CFAP74: variants seen among roughly 807,000 people sequenced by gnomAD.
CFAP74 encodes the protein cilia and flagella associated protein 74.
CFAP74 carries 124 observed loss-of-function variants against 188.9 expected under a neutral mutation model. The observed-to-expected ratio is 0.66, with a 90% CI of 0.57 to 0.76. The LOEUF is 0.76. Ranked by LOEUF, CFAP74 falls within the 30% of genes least tolerant of loss-of-function variation. CFAP74 has a pLI of 0.00. For synonymous variants in CFAP74, 956 were observed against 916.7 expected (o/e 1.04, Z -0.77); for missense variants, 2,198 against 2,165.2 (o/e 1.02, Z -0.30).
Position 1,975,735 on chromosome 1 carries a change from TC to T in CFAP74, c.501-1538del, listed in dbSNP as rs1656394919. On this transcript the variant is annotated intron_variant, in intron 6 of 38. Coordinates refer to ENST00000682832, the MANE Select transcript of CFAP74 (RefSeq NM_001304360.2). The surrounding 1 kb of genome is among the most constrained non-coding windows in gnomAD (Gnocchi z 4.5). The stretch of plus-strand genomic sequence containing the variant: ...TATTTCTATTCCTCCCTCGCGTGAC[TC>T]ATGAAATTCTTTAATCTGAGGATTC... Among the ~76,000 whole-genome samples, 1 of 152,126 alleles carries T rather than the reference TC, an allele frequency of 6.6e-6. No individual in the cohort carries two copies. The highest frequency in any genetic ancestry group is 6.5e-5 in the Admixed American group (1 of 15,272).
intron 14 of CFAP74, among the ~76,000 whole-genome samples, 160 bp downstream of exon 14, chr1:1,963,589 A>C (rs1381822887): frequency 6.6e-6 from 1 of 152,038 alleles, no homozygotes; most frequent in Non-Finnish European, 1.5e-5. Flanking sequence ...ACTTTGACAC[A>C]AGAAGACAGA....
At chr1:1,932,375 T>C (rs1199141228) in intron 25 of CFAP74, among the ~76,000 whole-genome samples, 1 of 146,484 alleles carries the variant, frequency 6.8e-6, no homozygotes, top group Non-Finnish European at 1.5e-5. Flanking sequence ...CCAGCCTGGG[T>C]GATAGAGCGA....
intron 37 of CFAP74, 123 bp from the exon 38 acceptor site, chr1:1,922,846 A>G (rs1651492640): frequency 2.0e-6 from 3 of 1,478,906 alleles, no homozygotes; most frequent in South Asian, 2.7e-5. Context: ...CCCACCCCAC[A>G]GCTGCCACAG....
chr1:1,985,541 G>A, intron 5 of CFAP74, 51 bp from the exon 6 acceptor site: 1 of 1,461,780 alleles, frequency 6.8e-7, no homozygotes, highest in South Asian at 1.1e-5. Context: ...CAGTCATCCA[G>A]GGGCCATCCA....
At chr1:1,932,881 T>A (rs1416153067) in intron 25 of CFAP74, among the ~76,000 whole-genome samples, 3 of 140,586 alleles carry the variant, frequency 2.1e-5, no homozygotes, top group Non-Finnish European at 3.1e-5. Flanking sequence ...TGTGAGACAC[T>A]GTGCCCGACC....
At chr1:1,955,953 C>G (rs1654592680) in intron 17 of CFAP74, 103 bp from the exon 18 acceptor site, 2 of 1,468,894 alleles carry the variant, frequency 1.4e-6, no homozygotes, top group African/African-American at 2.8e-5. Context: ...GGGGCTGGAC[C>G]CTGGCTCCAG....
chr1:1,946,972 G>C lies in CFAP74; in HGVS notation c.2241+18C>G, dbSNP rs1390056804. The C allele has an allele frequency of 6.5e-7, 1 of 1,529,916 alleles. No individual in the cohort carries two copies. The highest frequency in any genetic ancestry group is 8.8e-7 in the Non-Finnish European group (1 of 1,141,360). The allele number at this position is 1,529,916 out of a possible 1,614,324, so 94.8% of individuals were successfully genotyped here. A position where few individuals can be genotyped will look rare whatever the true frequency, so the allele number is the denominator to read the frequency against. ...GTCTTGGATCGTGGCAGCTATTTTA[G>C]GGCCTGAGCTGGCTGACCTCCCCCA... On this transcript the variant is annotated intron_variant, in intron 19 of 38. Transcript: ENST00000682832.
Position 1,963,817 on chromosome 1 carries a change from G to A in CFAP74, c.1626C>T (p.Thr542=). ...VYKKKITLVN[T]TYTINYCKLV... ...GCTTGCAGTAGTTGATCGTGTAGGT[G>A]GTGTTTACCAACGTGATCTTTTTCT... Residue 542 remains threonine (T), a synonymous_variant, in exon 14 of 39, where the codon ACC becomes ACT. Transcript: ENST00000682832. 1 of 1,613,886 alleles carries A rather than the reference G, an allele frequency of 6.2e-7. No individual in the cohort carries two copies. The highest frequency in any genetic ancestry group is 8.5e-7 in the Non-Finnish European group (1 of 1,179,942).
At chr1:1,938,815 A>G (rs1239020057) in intron 25 of CFAP74, 40 bp downstream of exon 25, 1 of 1,527,322 alleles carries the variant, frequency 6.5e-7, no homozygotes, top group African/African-American at 1.4e-5. Context: ...CTGAGCGGGC[A>G]CTCCAGGCCC....
chr1:1,967,792 C>T (rs986888604), intron 11 of CFAP74, among the ~76,000 whole-genome samples: 6 of 152,234 alleles, frequency 3.9e-5, no homozygotes, highest in Admixed American at 2.0e-4. Context: ...CCCTACCCCA[C>T]ACCTTTAGGG....
chr1:1,935,938 T>C (rs2748969), intron 25 of CFAP74, among the ~76,000 whole-genome samples: 86,314 of 150,940 alleles, frequency 0.57, 24,804 homozygotes, highest in East Asian at 0.66. Flanking sequence ...CTCTGAGAGG[T>C]CAGGTGTAGT....
intron 16 of CFAP74, among the ~76,000 whole-genome samples, chr1:1,958,809 C>T (rs1654853004): frequency 1.3e-5 from 2 of 150,500 alleles, no homozygotes. Flanking sequence ...GGCGGGATCC[C>T]CCCAAGAGCT....
At chr1:1,999,078 C>T (rs1425498337) in intron 1 of CFAP74, among the ~76,000 whole-genome samples, 1 of 152,034 alleles carries the variant, frequency 6.6e-6, no homozygotes, top group Non-Finnish European at 1.5e-5. Flanking sequence ...ATGAGAAACT[C>T]GTCTGGTGAA....
At chr1:1,935,867 T>TACACACACACACACACAC (rs35582265) in intron 25 of CFAP74, among the ~76,000 whole-genome samples, 2,183 of 147,826 alleles carry the variant, frequency 0.015, 54 homozygotes, top group African/African-American at 0.051. Flanking sequence ...TTTTCAGCAC[T>TACACACACACACACACAC]ACACACACAC....
At position 1,972,068 on chromosome 1, in the gene CFAP74, T is replaced by A. The variant is rs370928445; in HGVS notation, c.800A>T (p.Glu267Val). 3.3e-5 allele frequency: 53 copies of A among 1,612,234 alleles called. No individual in the cohort carries two copies. The highest frequency in any genetic ancestry group is 2.2e-4 in the East Asian group (10 of 44,898). The change falls in exon 9 of 39, where the codon GAG becomes GTG. Residue 267 changes from glutamate (E) to valine (V), a missense_variant. Physicochemically the swap from Glu to Val is moderately radical, Grantham distance 121. Coordinates refer to ENST00000682832, the MANE Select transcript of CFAP74 (RefSeq NM_001304360.2). ...GTGGCACTCCATCTCCTCCTTCTTC[T>A]CTTGCTCTCGGATTCTGAGGAAGGA... is the stretch of plus-strand genomic sequence containing the variant. ...KASLGRIREQ[E>V]KKEEMECHEY...
At position 1,960,117 on chromosome 1, in the gene CFAP74, C is replaced by T. The variant is rs536272503; in HGVS notation, c.1695-87G>A. On this transcript the variant is annotated intron_variant, in intron 14 of 38. Transcript: ENST00000682832. ...CCACCCAGAGCACAGTCAGGCTGGG[C>T]CTCCTGGCCTCCTCCCCATCCCGGG... The T allele has an allele frequency of 1.5e-3, 1,642 of 1,112,266 alleles. 2 individuals are homozygous for T. Among genetic ancestry groups the T allele is most frequent in the Non-Finnish European group, 2.0e-3 (1,526 of 765,092 alleles). 68.9% of individuals were successfully genotyped at this position (1,112,266 alleles called of 1,614,324 possible). A position where few individuals can be genotyped will look rare whatever the true frequency, so the allele number is the denominator to read the frequency against.
At chr1:1,949,471 G>A (rs1488648442) in intron 18 of CFAP74, among the ~76,000 whole-genome samples, 3 of 151,374 alleles carry the variant, frequency 2.0e-5, no homozygotes, top group Admixed American at 6.6e-5. Flanking sequence ...AGTACTTTCT[G>A]TTGTTTCTGT....
intron 27 of CFAP74, 54 bp from the exon 28 acceptor site, chr1:1,927,800 C>G: frequency 6.6e-7 from 1 of 1,515,410 alleles, no homozygotes; most frequent in Non-Finnish European, 8.9e-7. Context: ...ACACAGCCAG[C>G]TGTGCCCCGT....
At chr1:1,925,536 G>A (rs996768367) in intron 33 of CFAP74, among the ~76,000 whole-genome samples, 6 of 152,138 alleles carry the variant, frequency 3.9e-5, no homozygotes, top group Admixed American at 6.5e-5. Flanking sequence ...GACAAAGAGC[G>A]CCAAGGAGGA....
Sources: gnomAD v4.1 joint callset for allele counts (sites outside exome capture counted in the v4.1 genomes callset) on GRCh38, gnomAD v4.1.1 for gene constraint, Gnocchi (gnomAD v3.1) non-coding constraint, MANE v1.5 for transcripts, NCBI Gene and HGNC (gene_info 2026-07-23, HGNC 2026-07-21) for gene names.